The following MARF1 variants were observed in gnomAD, a reference collection of about 807,000 sequenced individuals.
MARF1 encodes limkain-b1.
MARF1 carries 24 observed loss-of-function variants against 168.2 expected under a neutral mutation model. That is an observed-to-expected ratio of 0.14 (90% confidence interval 0.10 to 0.20). The LOEUF (loss-of-function observed/expected upper bound fraction) is 0.20. Ranked by LOEUF, MARF1 falls within the 10% of genes least tolerant of loss-of-function variation. The pLI is 1.00. For missense variants in MARF1, 1,744 were observed against 2,143.6 expected (o/e 0.81, Z 3.68); for synonymous variants, 868 against 822.4 (o/e 1.06, Z -0.95).
chr16:15,628,261 G>A (rs1157771577), intron 7 of MARF1, among the ~76,000 whole-genome samples: 2 of 151,798 alleles, frequency 1.3e-5, no homozygotes, highest in Admixed American at 1.3e-4. Flanking sequence ...TTTTTTAAAC[G>A]TACATTTTTT....
At position 15,602,351 on chromosome 16, in the gene MARF1, TGAAGAAGGAGACAAAGATGACGAA is replaced by T. The variant is rs1193063900; in HGVS notation, c.4414-172_4414-149del. 6 of 648,224 alleles carry T rather than the reference TGAAGAAGGAGACAAAGATGACGAA, an allele frequency of 9.3e-6. No individual in the cohort carries two copies. In the Admixed American group the frequency reaches 1.7e-4, roughly 19 times the overall value. The allele number at this position is 648,224 out of a possible 1,614,324, so 40.2% of individuals were successfully genotyped here. ...GGCAACGAAGATGAGAAGATGAAGA[TGAAGAAGGAGACAAAGATGACGAA>T]GAAGAAGGAGACGACAAAGATAAAG... On this transcript the variant is annotated intron_variant, in intron 22 of 26. Coordinates refer to ENST00000396368, the MANE Select transcript of MARF1 (RefSeq NM_014647.4).
At chr16:15,614,061 AT>A in intron 16 of MARF1, among the ~76,000 whole-genome samples, 1 of 152,340 alleles carries the variant, frequency 6.6e-6, no homozygotes, top group South Asian at 2.1e-4. Flanking sequence ...CTAGGTCCAA[AT>A]ACCTTGGTCT....
chr16:15,607,917 C>T (rs934785930), intron 21 of MARF1, among the ~76,000 whole-genome samples: 13 of 152,292 alleles, frequency 8.5e-5, no homozygotes, highest in African/African-American at 2.6e-4. Flanking sequence ...TGTGTGATTA[C>T]GGGCTCCCAA....
chr16:15,626,219 G>C (rs904898931), intron 7 of MARF1, among the ~76,000 whole-genome samples: 3 of 152,186 alleles, frequency 2.0e-5, no homozygotes, highest in Non-Finnish European at 4.4e-5. Flanking sequence ...CAAATCTACA[G>C]AGACAGAAAG....
At chr16:15,616,318 T>C (rs2034040406) in intron 15 of MARF1, among the ~76,000 whole-genome samples, 1 of 152,218 alleles carries the variant, frequency 6.6e-6, no homozygotes, top group Non-Finnish European at 1.5e-5. Context: ...GAGTCCTGTG[T>C]TGGCCTTTGT....
chr16:15,625,188 G>A lies in MARF1; in HGVS notation c.1954-15C>T, dbSNP rs2034758129. ...CGGCACAGCTCCTTCAAAGACACAA[G>A]CACAGTGGGGTTTAAATTTTAAGTA... is the stretch of plus-strand genomic sequence containing the variant. On this transcript the variant is annotated splice_polypyrimidine_tract_variant and intron_variant, in intron 8 of 26. Transcript: ENST00000396368. 1.2e-5 allele frequency: 19 copies of A among 1,609,506 alleles called. No homozygotes were observed. The East Asian group carries it at 4.2e-4, about 36-fold the overall frequency.
chr16:15,620,736 G>A (rs146997387), intron 12 of MARF1, among the ~76,000 whole-genome samples: 1 of 152,302 alleles, frequency 6.6e-6, no homozygotes, highest in Admixed American at 6.5e-5. Context: ...AGTAGAATTA[G>A]TATCAATCAT....
chr16:15,637,103 A>G (rs1354543422), intron 2 of MARF1, among the ~76,000 whole-genome samples: 2 of 152,222 alleles, frequency 1.3e-5, no homozygotes, highest in Non-Finnish European at 2.9e-5. Flanking sequence ...CTGATACTCA[A>G]TAGTTGTATG....
At chr16:15,599,223 T>G (rs2032149244) in intron 25 of MARF1, 199 bp from the exon 26 acceptor site, 2 of 603,916 alleles carry the variant, frequency 3.3e-6, no homozygotes, top group Admixed American at 2.9e-5. Context: ...ATGGAACGCC[T>G]TAATAAGCTA....
intron 23 of MARF1, 164 bp from the exon 24 acceptor site, chr16:15,600,865 A>C: frequency 1.3e-6 from 1 of 766,356 alleles, no homozygotes; most frequent in South Asian, 1.4e-5. Flanking sequence ...CTTTTAAAGC[A>C]ACAGAAGCTG....
Position 15,596,768 on chromosome 16 carries a change from G to A in MARF1, c.5154C>T (p.Ser1718=), listed in dbSNP as rs763192693. 1.9e-5 allele frequency: 31 copies of A among 1,612,194 alleles called. No individual in the cohort carries two copies. The highest frequency in any genetic ancestry group is 2.5e-5 in the Non-Finnish European group (29 of 1,178,740). ...TATTTTTGGGTTGCTTTTTGGCCGG[G>A]CTTTCCACGGGGTCCTTGCTGAGCA... is the stretch of plus-strand genomic sequence containing the variant. ...ESLLSKDPVE[S]PAKKQPKNRV... is the part of the protein sequence containing the mutation. The change falls in exon 27 of 27, where the codon AGC becomes AGT. Residue 1718 remains serine (S), a synonymous_variant. Transcript: ENST00000396368.
chr16:15,608,854 C>T (rs371710701), intron 20 of MARF1: 2 of 326,014 alleles, frequency 6.1e-6, no homozygotes, highest in Non-Finnish European at 1.1e-5. Context: ...TTAGCAACAG[C>T]GAACAGCTTA....
At position 15,631,529 on chromosome 16, in the gene MARF1, C is replaced by T. The variant is rs147463104; in HGVS notation, c.1234-31G>A. 3,607 of 1,491,428 alleles carry T rather than the reference C, an allele frequency of 2.4e-3. 8 individuals are homozygous for T. Among genetic ancestry groups the T allele is most frequent in the Non-Finnish European group, 3.0e-3 (3,243 of 1,073,904 alleles). The allele number at this position is 1,491,428 out of a possible 1,614,324, so 92.4% of individuals were successfully genotyped here. ...TTAATTTATAATAAGGGTGAATAAGCAGGAGCTGAGGCTAGAAAATTGCTA... is the reference window on the plus strand; with the variant it reads ...TTAATTTATAATAAGGGTGAATAAGTAGGAGCTGAGGCTAGAAAATTGCTA... On this transcript the variant is annotated intron_variant, in intron 5 of 26. Coordinates refer to ENST00000396368, the MANE Select transcript of MARF1 (RefSeq NM_014647.4).
intron 5 of MARF1, 146 bp from the exon 6 acceptor site, chr16:15,631,644 G>C (rs1353026437): frequency 2.1e-6 from 1 of 469,378 alleles, no homozygotes; most frequent in Non-Finnish European, 3.8e-6. Context: ...TGTTACATAG[G>C]TATACATGTG....
In MARF1 at chr16:15,615,906, A is replaced by T; in HGVS notation, c.3177T>A (p.Gly1059=). 2 of 1,604,952 alleles carry T rather than the reference A, an allele frequency of 1.2e-6. No homozygotes were observed. Among genetic ancestry groups the T allele is most frequent in the Non-Finnish European group, 1.7e-6 (2 of 1,175,152 alleles). ...PLEHFITCVP[G]VNIATAQNGI... is the part of the protein sequence containing the mutation. ...CATTCTGAGCAGTGGCAATGTTTAC[A>T]CCTGGAACACAGGTAATGAAGTGTT... Residue 1059 remains glycine (G), a synonymous_variant, in exon 16 of 27, where the codon GGT becomes GGA. Coordinates refer to ENST00000396368, the MANE Select transcript of MARF1 (RefSeq NM_014647.4).
chr16:15,602,530 G>C, intron 22 of MARF1: 2 of 493,040 alleles, frequency 4.1e-6, no homozygotes, highest in South Asian at 3.5e-5. Context: ...CGAAGACGAC[G>C]ATAAAGAAGA....
chr16:15,638,151 C>T (rs545133054), intron 2 of MARF1, among the ~76,000 whole-genome samples: 2 of 151,282 alleles, frequency 1.3e-5, no homozygotes, highest in East Asian at 2.0e-4. Context: ...GGGGCTGAGC[C>T]GAGACTCTGT....
intron 10 of MARF1, among the ~76,000 whole-genome samples, chr16:15,623,904 CTT>C (rs1410715901): frequency 5.4e-5 from 8 of 148,326 alleles, no homozygotes; most frequent in African/African-American, 2.0e-4. Flanking sequence ...TCCATAGTCA[CTT>C]TCTCTTTTTT....
chr16:15,627,543 G>C (rs905903579), intron 7 of MARF1, among the ~76,000 whole-genome samples: 5 of 152,134 alleles, frequency 3.3e-5, no homozygotes, highest in Non-Finnish European at 7.3e-5. Context: ...AATTGAACCC[G>C]GCAGGTGGAG....
Sources: allele counts gnomAD v4.1 joint callset (sites outside exome capture counted in the v4.1 genomes callset), GRCh38; gene constraint gnomAD v4.1.1; transcripts MANE v1.5; gene names NCBI Gene and HGNC (gene_info 2026-07-23, HGNC 2026-07-21).